The following TBC1D8 variants were observed in gnomAD, a reference collection of about 807,000 sequenced individuals.
The protein encoded by TBC1D8 is BUB2-like protein 1.
Under a neutral mutation model 118.8 loss-of-function variants are expected in TBC1D8, and 65 were observed. The observed-to-expected ratio is 0.55, with a 90% CI of 0.45 to 0.67. The LOEUF (loss-of-function observed/expected upper bound fraction) is 0.67, where lower values mean the gene tolerates loss of function less well. Among genes scored for constraint, TBC1D8 ranks in the 30% least tolerant of loss-of-function variants. The pLI is 0.00. For synonymous variants in TBC1D8, 566 were observed against 595.8 expected (o/e 0.95, Z 0.73); for missense variants, 1,376 against 1,471.2 (o/e 0.94, Z 1.06).
intron 5 of TBC1D8, among the ~76,000 whole-genome samples, chr2:101,042,068 A>C (rs1014644963): frequency 3.3e-5 from 5 of 152,140 alleles, no homozygotes; most frequent in Non-Finnish European, 5.9e-5. Context: ...ACAGTAAGTA[A>C]TCAATAAACA....
chr2:101,132,165 C>A (rs938245957), intron 1 of TBC1D8, among the ~76,000 whole-genome samples: 6 of 152,244 alleles, frequency 3.9e-5, no homozygotes, highest in Non-Finnish European at 8.8e-5. Context: ...AGCAGCTTAT[C>A]CCATTCACTA....
chr2:101,091,587 T>C (rs1032918527), intron 1 of TBC1D8, among the ~76,000 whole-genome samples: 10 of 152,118 alleles, frequency 6.6e-5, no homozygotes, highest in Non-Finnish European at 1.3e-4. Flanking sequence ...TAGCTGGGCA[T>C]GGTGGCAAGT....
At chr2:101,032,935 T>C (rs545957512) in intron 10 of TBC1D8, 28 of 183,678 alleles carry the variant, frequency 1.5e-4, no homozygotes, top group East Asian at 6.3e-4. Flanking sequence ...AGGAAGGGGA[T>C]TGGCCCTGAT....
At chr2:101,130,259 C>A (rs915397324) in intron 1 of TBC1D8, among the ~76,000 whole-genome samples, 1 of 152,222 alleles carries the variant, frequency 6.6e-6, no homozygotes, top group African/African-American at 2.4e-5. Context: ...GCCGAGGAGG[C>A]CTGGAAGCGT....
chr2:101,037,269 A>G (rs1281508497), intron 8 of TBC1D8, among the ~76,000 whole-genome samples: 3 of 151,888 alleles, frequency 2.0e-5, no homozygotes, highest in Non-Finnish European at 2.9e-5. Flanking sequence ...GTGCCTGGAG[A>G]CCCCCAAGGG....
At chr2:101,083,451 T>C (rs970630176) in intron 2 of TBC1D8, among the ~76,000 whole-genome samples, 1 of 152,182 alleles carries the variant, frequency 6.6e-6, no homozygotes, top group African/African-American at 2.4e-5. Context: ...TCTCCTAGGA[T>C]GTCTCCACCC....
chr2:101,023,169 G>A (rs1294363146), intron 15 of TBC1D8, among the ~76,000 whole-genome samples: 1 of 145,544 alleles, frequency 6.9e-6, no homozygotes, highest in Non-Finnish European at 1.5e-5. Flanking sequence ...TTTTGAGACG[G>A]AGTCTCGCTC....
intron 2 of TBC1D8, among the ~76,000 whole-genome samples, chr2:101,083,343 G>A (rs1365773151): frequency 1.3e-5 from 2 of 152,164 alleles, no homozygotes; most frequent in African/African-American, 4.8e-5. Flanking sequence ...GTGAGTGCCA[G>A]GATGGAGGAC....
rs1389870552 is a variant in TBC1D8, at chr2:101,040,172, G to A, written c.1080+6C>T. ...CTTCGGGAAGCAGACAGTAGGGCCA[G>A]TCTACCTCTCTGAGTGGCAGGATGA... is the stretch of plus-strand genomic sequence containing the variant. On this transcript the variant is annotated splice_donor_region_variant and intron_variant, in intron 6 of 19. Transcript: ENST00000409318. 1 of 1,613,548 alleles carries A rather than the reference G, an allele frequency of 6.2e-7. No homozygotes were observed. The highest frequency in any genetic ancestry group is 1.1e-5 in the South Asian group (1 of 91,006).
chr2:101,011,129 C>T, intron 18 of TBC1D8, 103 bp from the exon 19 acceptor site: 1 of 1,106,396 alleles, frequency 9.0e-7, no homozygotes, highest in Non-Finnish European at 1.3e-6. Flanking sequence ...AGGAATTCCA[C>T]TAAGCAAATT....
intron 15 of TBC1D8, among the ~76,000 whole-genome samples, chr2:101,027,153 G>A (rs141476954): frequency 0.011 from 1,648 of 152,312 alleles, 22 homozygotes; most frequent in Middle Eastern, 0.041. Context: ...CTGCTGGGCT[G>A]CCCAAAGAGC....
At chr2:101,041,269 G>A (rs1034787758) in intron 5 of TBC1D8, among the ~76,000 whole-genome samples, 16 of 152,162 alleles carry the variant, frequency 1.1e-4, no homozygotes, top group Non-Finnish European at 2.1e-4. Flanking sequence ...TAACTTAAAG[G>A]CAGAAATAAC....
intron 5 of TBC1D8, among the ~76,000 whole-genome samples, chr2:101,040,920 TC>T (rs1457861873): frequency 6.6e-6 from 1 of 152,254 alleles, no homozygotes; most frequent in Non-Finnish European, 1.5e-5. Flanking sequence ...ACGCGCTGTC[TC>T]TGCACAGCAG....
At chr2:101,074,901 T>C (rs1046437625) in intron 2 of TBC1D8, among the ~76,000 whole-genome samples, 1 of 152,148 alleles carries the variant, frequency 6.6e-6, no homozygotes, top group African/African-American at 2.4e-5. Flanking sequence ...CCAGTAACAA[T>C]GAGCACCCCT....
chr2:101,121,734 T>G (rs896192470), intron 1 of TBC1D8, among the ~76,000 whole-genome samples: 2 of 152,172 alleles, frequency 1.3e-5, no homozygotes, highest in Non-Finnish European at 2.9e-5. Flanking sequence ...TTCCAGTAAG[T>G]GAAAAGACAC....
chr2:101,034,423 G>A (rs146995584), intron 9 of TBC1D8, among the ~76,000 whole-genome samples: 362 of 152,296 alleles, frequency 2.4e-3, no homozygotes, highest in African/African-American at 8.1e-3. Context: ...ATGACAAAGC[G>A]AAGGGGCCAG....
intron 2 of TBC1D8, among the ~76,000 whole-genome samples, chr2:101,079,101 C>T (rs1400838395): frequency 6.6e-6 from 1 of 152,120 alleles, no homozygotes; most frequent in Non-Finnish European, 1.5e-5. Context: ...ATGGTGCCTC[C>T]GTGCTCATTC....
At chr2:101,081,863 G>C (rs1484726652) in intron 2 of TBC1D8, among the ~76,000 whole-genome samples, 3 of 152,222 alleles carry the variant, frequency 2.0e-5, no homozygotes, top group African/African-American at 7.2e-5. Context: ...GTGTACCCAG[G>C]TGTGGTGGCT....
intron 17 of TBC1D8, among the ~76,000 whole-genome samples, chr2:101,020,280 G>A (rs1679952969): frequency 1.3e-5 from 2 of 152,042 alleles, no homozygotes; most frequent in Non-Finnish European, 1.5e-5. Context: ...AAACAATCAT[G>A]TTCTATTTAA....
Sources: allele counts gnomAD v4.1 joint callset (sites outside exome capture counted in the v4.1 genomes callset), GRCh38; gene constraint gnomAD v4.1.1; transcripts MANE v1.5; gene names NCBI Gene and HGNC (gene_info 2026-07-23, HGNC 2026-07-21).